Variants in MAGI1 observed in about 807,000 individuals in gnomAD.
MAGI1 encodes the protein membrane-associated guanylate kinase, WW and PDZ domain-containing protein 1.
In MAGI1, 58 loss-of-function variants were observed where a neutral mutation model predicts 139.9. The ratio of observed to expected loss-of-function variants is 0.41; its 90% CI spans 0.34 to 0.52. MAGI1 has a LOEUF of 0.52. MAGI1 is among the 20% of genes least tolerant of loss of function. MAGI1 has a pLI of 0.12. For missense variants in MAGI1, 1,874 were observed against 1,901.6 expected, an observed-to-expected ratio of 0.99 and a Z score of 0.27; for synonymous variants, 812 against 737.9, an observed-to-expected ratio of 1.10 and a Z score of -1.63.
chr3:65,796,755 G>A (rs2040175418), intron 1 of MAGI1, among the ~76,000 whole-genome samples: 1 of 152,186 alleles, frequency 6.6e-6, no homozygotes, highest in South Asian at 2.1e-4. Context: ...AATACTGTTG[G>A]CATTGCAGAC....
chr3:65,727,988 C>T (rs1201825146), intron 1 of MAGI1, among the ~76,000 whole-genome samples: 1 of 152,074 alleles, frequency 6.6e-6, no homozygotes, highest in Non-Finnish European at 1.5e-5. Flanking sequence ...AGTACCCCCA[C>T]CCAAAATAGA....
At chr3:65,379,104 C>T in intron 17 of MAGI1, 157 bp downstream of exon 17, 1 of 1,474,090 alleles carries the variant, frequency 6.8e-7, no homozygotes, top group Non-Finnish European at 9.1e-7. Context: ...AAAAAGCTAC[C>T]AAATCAACTC....
chr3:65,426,677 G>C (rs1290701375), intron 12 of MAGI1, among the ~76,000 whole-genome samples: 3 of 152,180 alleles, frequency 2.0e-5, no homozygotes, highest in East Asian at 1.9e-4. Context: ...ATACAGAAGA[G>C]ATGATTAAAT....
chr3:65,865,853 T>C (rs1162402041), intron 1 of MAGI1, among the ~76,000 whole-genome samples: 1 of 152,142 alleles, frequency 6.6e-6, no homozygotes, highest in Admixed American at 6.5e-5. Context: ...TTGGCCAGGC[T>C]GGTCTCGAAC....
intron 1 of MAGI1, among the ~76,000 whole-genome samples, chr3:66,015,070 G>T (rs1363508472): frequency 6.6e-6 from 1 of 151,336 alleles, no homozygotes; most frequent in African/African-American, 2.4e-5. Context: ...AGACCAGACA[G>T]GGTGGCTCAT....
chr3:65,918,379 A>ATTTTTTTTTT (rs34906725), intron 1 of MAGI1, among the ~76,000 whole-genome samples: 2 of 128,704 alleles, frequency 1.6e-5, no homozygotes. Context: ...GCTCCAAAAC[A>ATTTTTTTTTT]TTTTTTTTTT....
intron 1 of MAGI1, among the ~76,000 whole-genome samples, chr3:65,926,327 T>TTCTCTC (rs377665681): frequency 0.13 from 15,119 of 115,394 alleles, 994 homozygotes; most frequent in South Asian, 0.16. Context: ...AAGTCTTCTT[T>TTCTCTC]TCTCTCTCTC....
chr3:65,944,522 G>GA (rs1399121793), intron 1 of MAGI1, among the ~76,000 whole-genome samples: 10 of 149,712 alleles, frequency 6.7e-5, no homozygotes, highest in African/African-American at 1.2e-4. Context: ...TATCTCAAGG[G>GA]AAAAAAAAAT....
rs149374250 is a variant in MAGI1, at chr3:65,969,376, T to C, written c.313+68620A>G. On this transcript the variant is annotated intron_variant, in intron 1 of 22. Transcript: ENST00000402939. ...GGCTGGGGGGTGGCTGTCCTGTGCA[T>C]TGTAGAATGTTTATCAGCATCCCTG... 1.4e-3 allele frequency among the ~76,000 whole-genome samples: 214 copies of C among 152,294 alleles called. 1 individual carries two copies. The highest frequency in any genetic ancestry group is 5.0e-3 in the African/African-American group (207 of 41,566).
Position 65,356,812 on chromosome 3 carries a change from TG to T in MAGI1, c.3954del (p.Lys1319ArgfsTer116), listed in dbSNP as rs1431432759. On this transcript the variant is annotated frameshift_variant, in exon 23 of 23. Transcript: ENST00000402939. LOFTEE classifies it low-confidence loss of function (END_TRUNC). ...CTCCGCTTCTCTGGGGACCGCCTCT[TG>T]GGGCCGTTGGCGGCTGCCGCGCGCT... is the stretch of plus-strand genomic sequence containing the variant. ...QAERAAAANG[P>X]KRRSPEKRRE... 3.7e-6 allele frequency: 6 copies of T among 1,611,710 alleles called. No individual in the cohort carries two copies. Among genetic ancestry groups the T allele is most frequent in the Non-Finnish European group, 5.1e-6 (6 of 1,178,580 alleles).
chr3:65,841,336 G>A (rs1055202960), intron 1 of MAGI1, among the ~76,000 whole-genome samples: 9 of 151,368 alleles, frequency 5.9e-5, no homozygotes, highest in African/African-American at 2.2e-4. Flanking sequence ...TTTGCTCCTC[G>A]TCTTCTAGTT....
At chr3:65,705,847 C>A (rs2030171386) in intron 1 of MAGI1, among the ~76,000 whole-genome samples, 1 of 152,188 alleles carries the variant, frequency 6.6e-6, no homozygotes, top group African/African-American at 2.4e-5. Context: ...TTCCTCTCAA[C>A]AGAGAATCTA....
At chr3:65,985,575 T>C (rs1241091489) in intron 1 of MAGI1, among the ~76,000 whole-genome samples, 5 of 152,228 alleles carry the variant, frequency 3.3e-5, no homozygotes, top group Admixed American at 2.0e-4. Flanking sequence ...ACAGGACTAA[T>C]AGACTTTCTT....
chr3:65,984,935 G>A (rs17031811), intron 1 of MAGI1, among the ~76,000 whole-genome samples: 32,829 of 151,988 alleles, frequency 0.22, 3,791 homozygotes, highest in Non-Finnish European at 0.25. Context: ...AGCAACTTGA[G>A]GACAGATATT....
At chr3:65,796,250 A>C (rs2040142035) in intron 1 of MAGI1, among the ~76,000 whole-genome samples, 1 of 151,970 alleles carries the variant, frequency 6.6e-6, no homozygotes, top group African/African-American at 2.4e-5. Context: ...TTTTCTTTTA[A>C]GTCTATTTTC....
At chr3:65,519,968 TGG>T (rs2078078739) in intron 2 of MAGI1, among the ~76,000 whole-genome samples, 1 of 152,172 alleles carries the variant, frequency 6.6e-6, no homozygotes, top group Non-Finnish European at 1.5e-5. Context: ...TTTGGTCCTT[TGG>T]CACAGCAGCT....
chr3:65,653,150 C>T (rs150431373), intron 1 of MAGI1, among the ~76,000 whole-genome samples: 1 of 152,186 alleles, frequency 6.6e-6, no homozygotes, highest in Non-Finnish European at 1.5e-5. Flanking sequence ...TAAAGAGCAC[C>T]TTCTTGGACC....
intron 1 of MAGI1, among the ~76,000 whole-genome samples, chr3:65,849,197 G>C (rs903253314): frequency 6.6e-6 from 1 of 150,852 alleles, no homozygotes; most frequent in South Asian, 2.1e-4. Flanking sequence ...CTAAGTTTTT[G>C]TATTTTTAGT....
At chr3:65,841,429 C>CTTTTTGTTTTTG (rs796888140) in intron 1 of MAGI1, among the ~76,000 whole-genome samples, 1 of 142,108 alleles carries the variant, frequency 7.0e-6, no homozygotes, top group African/African-American at 2.6e-5. Flanking sequence ...TTTTGTTTTG[C>CTTTTTGTTTTTG]TTTTTGTTTT....
Sources: gnomAD v4.1 joint callset for allele counts (sites outside exome capture counted in the v4.1 genomes callset) on GRCh38, gnomAD v4.1.1 for gene constraint, MANE v1.5 for transcripts, NCBI Gene and HGNC (gene_info 2026-07-23, HGNC 2026-07-21) for gene names.